Variants in PELI2 observed in about 807,000 individuals in gnomAD.
PELI2 encodes the protein E3 ubiquitin-protein ligase pellino homolog 2.
In PELI2, 23 loss-of-function variants were observed where a neutral mutation model predicts 42.3. The observed-to-expected ratio is 0.54, with a 90% confidence interval of 0.39 to 0.77. The LOEUF is 0.77. Ranked by LOEUF, PELI2 falls within the 30% of genes least tolerant of loss-of-function variation. The pLI is 0.00. For missense variants in PELI2, 463 were observed against 553.2 expected, an observed-to-expected ratio of 0.84 and a Z score of 1.64; for synonymous variants, 245 against 212.2, an observed-to-expected ratio of 1.15 and a Z score of -1.34.
intron 2 of PELI2, among the ~76,000 whole-genome samples, chr14:56,267,780 C>T (rs955714529): frequency 2.0e-5 from 3 of 151,906 alleles, no homozygotes; most frequent in African/African-American, 7.2e-5. Context: ...TGGAATCTTC[C>T]CGTTTTTGTT....
rs35095120 is a variant in PELI2 at position 56,178,379 on chromosome 14, G to A, written c.122G>A (p.Ser41Asn). The change falls in exon 2 of 6, where the codon AGT becomes AAT. Residue 41 changes from serine (S) to asparagine (N), a missense_variant. Physicochemically the swap from Ser to Asn is conservative, Grantham distance 46. Transcript: ENST00000267460. ...LPNGDRGRRK[S>N]RFALYKRPKA... ...AATGGAGATAGAGGACGGAGGAAAA[G>A]TAGATTTGCCCTCTACAAGCGGCCC... is the stretch of plus-strand genomic sequence containing the variant. 1.3e-4 allele frequency: 205 copies of A among 1,613,976 alleles called. No homozygotes were observed. The highest frequency in any genetic ancestry group is 1.6e-4 in the Non-Finnish European group (193 of 1,179,928).
intron 1 of PELI2, among the ~76,000 whole-genome samples, chr14:56,170,953 C>G (rs1049492021): frequency 6.6e-6 from 1 of 152,216 alleles, no homozygotes; most frequent in African/African-American, 2.4e-5. Flanking sequence ...ACCCCTGTTG[C>G]AGCAGCTGAA....
At chr14:56,169,847 T>C (rs960304705) in intron 1 of PELI2, among the ~76,000 whole-genome samples, 1 of 152,166 alleles carries the variant, frequency 6.6e-6, no homozygotes, top group African/African-American at 2.4e-5. Context: ...TTATAGTCCA[T>C]TGGGTCAGGG....
In PELI2 at chr14:56,250,154, G is replaced by A. The variant is rs562109100; in HGVS notation, c.208-29522G>A. On this transcript the variant is annotated intron_variant, in intron 2 of 5. Coordinates refer to ENST00000267460, the MANE Select transcript of PELI2 (RefSeq NM_021255.3). Reference sequence around the variant, plus strand: ...TTCAAGCTTATTTCCAAAAGCCATCGGCACTGGCTGGACCTGTGGAGCACT... The same window carrying A: ...TTCAAGCTTATTTCCAAAAGCCATCAGCACTGGCTGGACCTGTGGAGCACT... Among the ~76,000 whole-genome samples, 7 of 152,186 alleles carry A rather than the reference G, an allele frequency of 4.6e-5. No homozygotes were observed. In the South Asian group the frequency reaches 8.3e-4, roughly 18 times the overall value.
intron 2 of PELI2, among the ~76,000 whole-genome samples, chr14:56,193,227 C>T (rs1044300847): frequency 3.9e-5 from 6 of 152,142 alleles, no homozygotes; most frequent in Middle Eastern, 3.2e-3. Flanking sequence ...ATTTCAAGAC[C>T]GTCTGTCCCC....
At chr14:56,144,176 G>A (rs563065094) in intron 1 of PELI2, among the ~76,000 whole-genome samples, 1 of 152,194 alleles carries the variant, frequency 6.6e-6, no homozygotes, top group South Asian at 2.1e-4. Flanking sequence ...GAGAAACTTG[G>A]TTCTCATTAC....
At chr14:56,122,304 A>G (rs8022898) in intron 1 of PELI2, among the ~76,000 whole-genome samples, 9,740 of 152,230 alleles carry the variant, frequency 0.064, 463 homozygotes, top group East Asian at 0.2. Context: ...GTCATGGTAT[A>G]TGTTTAGCCC....
intron 2 of PELI2, among the ~76,000 whole-genome samples, chr14:56,181,840 A>ATGTG (rs3042510): frequency 0.017 from 2,539 of 148,344 alleles, 60 homozygotes; most frequent in African/African-American, 0.05. Context: ...TGATTATGTA[A>ATGTG]TGTGTGTGTG....
intron 2 of PELI2, among the ~76,000 whole-genome samples, chr14:56,181,995 G>A (rs958808178): frequency 1.3e-5 from 2 of 152,328 alleles, no homozygotes; most frequent in South Asian, 2.1e-4. Context: ...CCATGGCCAG[G>A]CATCATGCCA....
intron 1 of PELI2, among the ~76,000 whole-genome samples, chr14:56,171,657 G>A (rs1314883486): frequency 6.6e-6 from 1 of 152,208 alleles, no homozygotes; most frequent in Non-Finnish European, 1.5e-5. Flanking sequence ...GATGGGGGGT[G>A]TGAATAGGCA....
intron 2 of PELI2, among the ~76,000 whole-genome samples, chr14:56,236,501 G>GT (rs1887801691): frequency 6.6e-6 from 1 of 152,220 alleles, no homozygotes. Context: ...TCTCAGTCCT[G>GT]TTTTTGATAA....
chr14:56,122,433 A>G (rs1007836109), intron 1 of PELI2, among the ~76,000 whole-genome samples: 1 of 152,292 alleles, frequency 6.6e-6, no homozygotes. Context: ...ACTTTAAGAC[A>G]GATTCCAGCA....
chr14:56,147,312 TTAG>T (rs1311709912), intron 1 of PELI2, among the ~76,000 whole-genome samples: 5 of 152,228 alleles, frequency 3.3e-5, no homozygotes, highest in Non-Finnish European at 5.9e-5. Context: ...TGGTAGGTAC[TTAG>T]TAGTGGAATT....
In PELI2 at chr14:56,297,856, T is replaced by C. The variant is rs1227664710; in HGVS notation, c.*690T>C. The C allele has an allele frequency of 4.6e-5, 7 of 152,250 alleles. 1 individual carries two copies. The highest frequency in any genetic ancestry group is 1.7e-4 in the African/African-American group (7 of 41,556). The allele number at this position is 152,250 out of a possible 1,614,324, so 9.4% of individuals were successfully genotyped here. ...CTTCACAAACAATTTTCCATAACTT[T>C]TTAGCCTGTCTTTTGTTATTTCTGC... On this transcript the variant is annotated 3_prime_UTR_variant, in exon 6 of 6. Transcript: ENST00000267460.
intron 1 of PELI2, among the ~76,000 whole-genome samples, chr14:56,134,772 AAACT>A (rs1883625972): frequency 6.7e-6 from 1 of 148,814 alleles, no homozygotes; most frequent in Non-Finnish European, 1.5e-5. Context: ...TCTTGTCAGT[AAACT>A]ATTTTTTTTT....
At chr14:56,276,390 G>C (rs900268815) in intron 2 of PELI2, among the ~76,000 whole-genome samples, 2 of 152,110 alleles carry the variant, frequency 1.3e-5, no homozygotes, top group African/African-American at 4.8e-5. Flanking sequence ...TCCCAGTCCT[G>C]GCTTTAGTCT....
chr14:56,127,677 G>T (rs951396101), intron 1 of PELI2, among the ~76,000 whole-genome samples: 2 of 152,202 alleles, frequency 1.3e-5, no homozygotes, highest in Admixed American at 6.5e-5. Flanking sequence ...GAATCCACTG[G>T]TTACTGCCTC....
At chr14:56,221,744 A>C (rs560774520) in intron 2 of PELI2, among the ~76,000 whole-genome samples, 1 of 152,368 alleles carries the variant, frequency 6.6e-6, no homozygotes, top group African/African-American at 2.4e-5. Context: ...GAGTTTTATA[A>C]ATAGTTGATA....
chr14:56,238,738 C>G (rs893723257), intron 2 of PELI2, among the ~76,000 whole-genome samples: 7 of 152,140 alleles, frequency 4.6e-5, no homozygotes, highest in African/African-American at 1.7e-4. Flanking sequence ...TACAGAGACA[C>G]GAAGCTTGTA....
Sources: gnomAD v4.1 joint callset for allele counts (sites outside exome capture counted in the v4.1 genomes callset) on GRCh38, gnomAD v4.1.1 for gene constraint, MANE v1.5 for transcripts, NCBI Gene and HGNC (gene_info 2026-07-23, HGNC 2026-07-21) for gene names.